VILL: variants seen among roughly 807,000 people sequenced by gnomAD.
VILL encodes the protein villin like.
In VILL, 102 loss-of-function variants were observed where a neutral mutation model predicts 106.3. The ratio of observed to expected loss-of-function variants is 0.96; its 90% confidence interval spans 0.82 to 1.13. The LOEUF (loss-of-function observed/expected upper bound fraction) is 1.13, where lower values mean the gene tolerates loss of function less well. VILL is among the 50% of genes most tolerant of loss of function. The probability of loss-of-function intolerance (pLI) is 0.00; values close to 1 mark genes in which losing one functional copy is unlikely to be tolerated. For missense variants in VILL, 1,076 were observed against 1,116.6 expected (o/e 0.96, Z 0.52); for synonymous variants, 431 against 440.3 (o/e 0.98, Z 0.27).
chr3:37,997,520 G>A lies in VILL; in HGVS notation c.599G>A (p.Arg200His), dbSNP rs766042004. The change falls in exon 7 of 20, where the codon CGT becomes CAT. Residue 200 changes from arginine to histidine, a missense_variant. Coordinates refer to ENST00000383759, the MANE Select transcript of VILL (RefSeq NM_015873.4). This position sits in a 1 kb window ranked among gnomAD's most constrained non-coding sequence, Gnocchi z 4.7. ...ACCTACAGCCTCCGGGACAGGGAAC[G>A]TGGTGGTGGTCGTGCACAGATTGGT... ...ALTYSLRDRE[R>H]GGGRAQIGVV... 2.0e-5 allele frequency: 32 copies of A among 1,613,858 alleles called. No homozygotes were observed. The highest frequency in any genetic ancestry group is 1.6e-4 in the Middle Eastern group (1 of 6,076).
At position 38,001,903 on chromosome 3, in the gene VILL, T is replaced by C. The variant is rs1262328189; in HGVS notation, c.1479+43T>C. 2.5e-6 allele frequency: 4 copies of C among 1,613,364 alleles called. No homozygotes were observed. In the Admixed American group the frequency reaches 6.7e-5, roughly 27 times the overall value. ...ACTCTGGCCACAGCCTGCCCAGTTC[T>C]GCATGGGCCATGGCCCCCGCACACA... On this transcript the variant is annotated intron_variant, in intron 13 of 19. Transcript: ENST00000383759.
At chr3:37,999,198 T>A (rs1264596956) in intron 10 of VILL, 141 bp from the exon 11 acceptor site, 4 of 1,213,810 alleles carry the variant, frequency 3.3e-6, no homozygotes, top group Non-Finnish European at 4.4e-6. Context: ...GAACAGAGCC[T>A]CAGGATGAGG....
rs751958017 is a variant in VILL, at chr3:37,994,471, G to A, written c.341+5G>A. 6.2e-7 allele frequency: 1 copy of A among 1,611,228 alleles called. No homozygotes were observed. The highest frequency in any genetic ancestry group is 1.1e-5 in the South Asian group (1 of 90,950). ...CTACTTCCGCCCGGGAATCATGTGA[G>A]TGCGGGGGCGACCGGGGCAGGAGGG... On this transcript the variant is annotated splice_donor_5th_base_variant and intron_variant, in intron 4 of 19. Transcript: ENST00000383759.
rs1381954582 is a variant in VILL at position 37,993,591 on chromosome 3, ACAGGTAGC to A, written c.-76_-69del. Reference sequence around the variant, plus strand: ...AAGTCATGTTCTATAATGAAGTTGTACAGGTAGCCAGGTGTCGGTCTCCAGCCTGAGAA... The same window carrying A: ...AAGTCATGTTCTATAATGAAGTTGTACAGGTGTCGGTCTCCAGCCTGAGAA... On this transcript the variant is annotated 5_prime_UTR_variant, in exon 2 of 20. Coordinates refer to ENST00000383759, the MANE Select transcript of VILL (RefSeq NM_015873.4). The A allele has an allele frequency of 2.3e-6, 3 of 1,326,452 alleles. No individual in the cohort carries two copies. In the East Asian group the frequency reaches 7.0e-5, roughly 31 times the overall value. 82.2% of individuals were successfully genotyped at this position (1,326,452 alleles called of 1,614,324 possible).
intron 16 of VILL, among the ~76,000 whole-genome samples, chr3:38,005,440 A>G (rs1429229680): frequency 6.6e-6 from 1 of 152,118 alleles, no homozygotes; most frequent in Non-Finnish European, 1.5e-5. Flanking sequence ...AAAGCTCTAT[A>G]AGGGCAGGGA....
At chr3:37,994,492 G>T (rs770958503) in intron 4 of VILL, 26 bp downstream of exon 4, 2 of 1,600,944 alleles carry the variant, frequency 1.2e-6, no homozygotes, top group African/African-American at 1.3e-5. Flanking sequence ...ACCGGGGCAG[G>T]AGGGAGCCGT....
intron 13 of VILL, chr3:38,002,082 C>G (rs1421375162): frequency 3.9e-6 from 3 of 767,650 alleles, no homozygotes; most frequent in Admixed American, 5.5e-5. Context: ...TGAAAGGGAG[C>G]CAGGGGCTTG....
chr3:37,992,233 A>G (rs1211734557), intron 1 of VILL, among the ~76,000 whole-genome samples: 1 of 152,126 alleles, frequency 6.6e-6, no homozygotes, highest in Non-Finnish European at 1.5e-5. Flanking sequence ...GGCCTCTGGT[A>G]ACTGTCACTG....
At chr3:37,999,635 C>T (rs1420978208) in intron 11 of VILL, among the ~76,000 whole-genome samples, 196 bp downstream of exon 11, 1 of 152,212 alleles carries the variant, frequency 6.6e-6, no homozygotes, top group African/African-American at 2.4e-5. Context: ...CATACACAGC[C>T]ACGGGCACTC....
chr3:38,004,526 C>T, intron 16 of VILL, 127 bp downstream of exon 16: 2 of 1,275,626 alleles, frequency 1.6e-6, no homozygotes, highest in Non-Finnish European at 1.1e-6. Flanking sequence ...GACCCTGTCA[C>T]TGAGCAATTG....
At chr3:38,004,464 G>A (rs1699878826) in intron 16 of VILL, 65 bp downstream of exon 16, 12 of 1,562,714 alleles carry the variant, frequency 7.7e-6, no homozygotes, top group Non-Finnish European at 7.9e-6. Context: ...GTGTAACTGG[G>A]TGTGTGTGTA....
chr3:38,003,659 A>G, intron 15 of VILL: 2 of 299,994 alleles, frequency 6.7e-6, no homozygotes, highest in Non-Finnish European at 1.3e-5. Flanking sequence ...ACAGTGTCAT[A>G]TGATGTGTGG....
rs1013341624 is a variant in VILL at position 38,003,370 on chromosome 3, G to GA, written c.1805+57_1805+58insA. The GA allele has an allele frequency of 4.9e-5, 75 of 1,520,098 alleles. 2 individuals carry two copies. The African/African-American group carries it at 8.4e-4, about 17-fold the overall frequency. The allele number at this position is 1,520,098 out of a possible 1,614,324, so 94.2% of individuals were successfully genotyped here. A position where few individuals can be genotyped will look rare whatever the true frequency, so the allele number is the denominator to read the frequency against. Reference sequence around the variant, plus strand: ...CAGAGGAGGAATTGAGGCCCAGAGAGGAGGGTGGGTGACTGGGATTCACAC... The same window carrying GA: ...CAGAGGAGGAATTGAGGCCCAGAGAGAGAGGGTGGGTGACTGGGATTCACAC... On this transcript the variant is annotated intron_variant, in intron 15 of 19. Transcript: ENST00000383759.
Position 37,997,859 on chromosome 3 carries a change from C to T in VILL, c.764+174C>T, listed in dbSNP as rs961355402. ...GTACTCTTCCATGGCATGTGGCTGC[C>T]TTGCTGAGAAACCTATTGTACATAC... On this transcript the variant is annotated intron_variant, in intron 7 of 19. Coordinates refer to ENST00000383759, the MANE Select transcript of VILL (RefSeq NM_015873.4). The surrounding 1 kb of genome is among the most constrained non-coding windows in gnomAD (Gnocchi z 4.7). Among the ~76,000 whole-genome samples the T allele has an allele frequency of 6.6e-6, 1 of 152,244 alleles. No individual in the cohort carries two copies. The highest frequency in any genetic ancestry group is 2.4e-5 in the African/African-American group (1 of 41,470).
At position 38,007,121 on chromosome 3, in the gene VILL, T is replaced by A; in HGVS notation, c.*66T>A. ...CATACCTACAATGCTGGGGAGGCCCTGCTTCCACTCCCCTCAGAGGCTTTT... is the reference window on the plus strand; with the variant it reads ...CATACCTACAATGCTGGGGAGGCCCAGCTTCCACTCCCCTCAGAGGCTTTT... On this transcript the variant is annotated 3_prime_UTR_variant, in exon 20 of 20. Coordinates refer to ENST00000383759, the MANE Select transcript of VILL (RefSeq NM_015873.4). 7.6e-7 allele frequency: 1 copy of A among 1,317,308 alleles called. No individual in the cohort carries two copies. The highest frequency in any genetic ancestry group is 1.1e-6 in the Non-Finnish European group (1 of 920,526). The allele number at this position is 1,317,308 out of a possible 1,614,324, so 81.6% of individuals were successfully genotyped here. A position where few individuals can be genotyped will look rare whatever the true frequency, so the allele number is the denominator to read the frequency against.
At position 38,004,262 on chromosome 3, in the gene VILL, G is replaced by T; in HGVS notation, c.1813G>T (p.Glu605Ter). Residue 605 changes from glutamate to a stop codon, truncating the protein, a stop_gained, in exon 16 of 20, where the codon GAG becomes TAG. Coordinates refer to ENST00000383759, the MANE Select transcript of VILL (RefSeq NM_015873.4). LOFTEE classifies it high-confidence loss of function. ...GCTGTCCGTGCTGGCCAGGCTCCCT[G>T]AGGAGGTCCCCAGCTTCCAGCCACG... ...APYPSNKRLPEEVPSFQPRLF... is the reference protein window; with the variant it reads ...APYPSNKRLP 6.2e-7 allele frequency: 1 copy of T among 1,611,124 alleles called. No individual in the cohort carries two copies.
chr3:38,002,879 T>C (rs1699845015), intron 14 of VILL: 2 of 529,020 alleles, frequency 3.8e-6, no homozygotes, highest in Non-Finnish European at 6.6e-6. Context: ...GCCAGTTTGC[T>C]GGAGTTTTCT....
At chr3:38,002,738 G>A (rs1699842673) in intron 14 of VILL, 163 bp downstream of exon 14, 2 of 865,846 alleles carry the variant, frequency 2.3e-6, no homozygotes, top group South Asian at 1.9e-5. Context: ...AGAACTTGGG[G>A]AAAGTTACAA....
chr3:38,003,513 C>A, intron 15 of VILL, 200 bp downstream of exon 15: 1 of 661,902 alleles, frequency 1.5e-6, no homozygotes, highest in Non-Finnish European at 2.5e-6. Context: ...CTCTCAGATG[C>A]TGGGGAGAGT....
Sources: allele counts gnomAD v4.1 joint callset (sites outside exome capture counted in the v4.1 genomes callset), GRCh38; gene constraint gnomAD v4.1.1; non-coding constraint Gnocchi (gnomAD v3.1); transcripts MANE v1.5; gene names NCBI Gene and HGNC (gene_info 2026-07-23, HGNC 2026-07-21).